ZNF541: variants seen among roughly 807,000 people sequenced by gnomAD.
The protein encoded by ZNF541 is zinc finger protein 541.
Under a neutral mutation model 123.5 loss-of-function variants are expected in ZNF541, and 23 were observed. The ratio of observed to expected loss-of-function variants is 0.19; its 90% confidence interval spans 0.13 to 0.26. ZNF541 has a LOEUF of 0.26. ZNF541 is among the 10% of genes least tolerant of loss of function. The pLI is 1.00. For synonymous variants in ZNF541, 751 were observed against 754.5 expected (o/e 1.00, Z 0.08); for missense variants, 1,612 against 1,789.9 (o/e 0.90, Z 1.79).
At chr19:47,538,524 G>T in intron 8 of ZNF541, 85 bp from the exon 9 acceptor site, 1 of 1,365,964 alleles carries the variant, frequency 7.3e-7, no homozygotes, top group South Asian at 1.6e-5. Context: ...AGCAGGAAAA[G>T]GAGACCGGCC....
At chr19:47,532,531 C>T (rs1969621351) in intron 10 of ZNF541, among the ~76,000 whole-genome samples, 2 of 152,064 alleles carry the variant, frequency 1.3e-5, no homozygotes, top group Admixed American at 6.6e-5. Flanking sequence ...AGGGGAGGTA[C>T]AAGCTGACAC....
intron 9 of ZNF541, 118 bp from the exon 10 acceptor site, chr19:47,533,090 C>T (rs1035548870): frequency 1.0e-5 from 9 of 883,130 alleles, no homozygotes; most frequent in Middle Eastern, 2.8e-4. Context: ...ATGGGTTGGC[C>T]GGGCACAGTG....
intron 3 of ZNF541, among the ~76,000 whole-genome samples, chr19:47,553,555 C>T (rs979113911): frequency 4.0e-5 from 6 of 151,846 alleles, no homozygotes; most frequent in South Asian, 2.1e-4. Flanking sequence ...ATTACAGGCA[C>T]GTACCACCAC....
intron 14 of ZNF541, among the ~76,000 whole-genome samples, chr19:47,528,315 C>CAA (rs1241374840): frequency 4.6e-4 from 20 of 43,296 alleles, no homozygotes; most frequent in African/African-American, 6.3e-4. Context: ...AACTCCGTCT[C>CAA]AAAAAAAAAA....
intron 2 of ZNF541, among the ~76,000 whole-genome samples, chr19:47,562,200 G>C (rs1250870951): frequency 6.6e-6 from 1 of 152,072 alleles, no homozygotes; most frequent in Non-Finnish European, 1.5e-5. Context: ...AGTGAGCCAA[G>C]ATCGTGCCAC....
chr19:47,546,108 C>T lies in ZNF541; in HGVS notation c.549-128G>A, dbSNP rs909049068. The T allele has an allele frequency of 3.7e-6, 3 of 811,760 alleles. No individual in the cohort carries two copies. The South Asian group carries it at 1.1e-4, about 31-fold the overall frequency. 50.3% of individuals were successfully genotyped at this position (811,760 alleles called of 1,614,324 possible). Reference sequence around the variant, plus strand: ...CAATTCAGAAATTGTACTCAGCCCCCACGAGGAAAGACCACCCAGCAAACC... The same window carrying T: ...CAATTCAGAAATTGTACTCAGCCCCTACGAGGAAAGACCACCCAGCAAACC... On this transcript the variant is annotated intron_variant, in intron 4 of 16. Coordinates refer to ENST00000391901, the MANE Select transcript of ZNF541 (RefSeq NM_001277075.3).
At chr19:47,527,520 C>T (rs1005478689) in intron 14 of ZNF541, among the ~76,000 whole-genome samples, 2 of 151,892 alleles carry the variant, frequency 1.3e-5, no homozygotes, top group African/African-American at 4.8e-5. Flanking sequence ...CTCAGCCTCC[C>T]GAGTAGCTGG....
At chr19:47,522,612 T>C (rs373232230) in intron 14 of ZNF541, among the ~76,000 whole-genome samples, 2 of 152,124 alleles carry the variant, frequency 1.3e-5, no homozygotes, top group South Asian at 4.2e-4. Context: ...CTGGGCAACA[T>C]AGCAAGACCC....
intron 12 of ZNF541, 89 bp downstream of exon 12, chr19:47,531,553 G>A (rs561060959): frequency 2.0e-4 from 207 of 1,048,054 alleles, no homozygotes; most frequent in Non-Finnish European, 2.7e-4. Context: ...GCTTCCATCC[G>A]CTCTGAACCC....
intron 3 of ZNF541, among the ~76,000 whole-genome samples, chr19:47,549,724 A>C (rs1292092098): frequency 6.6e-6 from 1 of 152,154 alleles, no homozygotes; most frequent in Non-Finnish European, 1.5e-5. Flanking sequence ...GCCCTTCCAG[A>C]GCAGCATGAC....
rs1969607444 is a variant in ZNF541 at position 47,532,264 on chromosome 19, G to C, written c.3165C>G (p.Ile1055Met). The C allele has an allele frequency of 1.9e-6, 3 of 1,551,916 alleles. No homozygotes were observed. The East Asian group carries it at 7.3e-5, about 38-fold the overall frequency. Residue 1055 changes from isoleucine (I) to methionine (M), a missense_variant, in exon 11 of 17, where the codon ATC (isoleucine) becomes ATG (methionine). Transcript: ENST00000391901. ...DDTKISIEPH[I>M]NIGSRFQAEI... Reference sequence around the variant, plus strand: ...CTGCCTGAAACCGGCTTCCTATATTGATATGTCTGAAATGAGGCCACACAC... The same window carrying C: ...CTGCCTGAAACCGGCTTCCTATATTCATATGTCTGAAATGAGGCCACACAC...
rs1467886858 is a variant in ZNF541 at position 47,545,506 on chromosome 19, T to C, written c.1023A>G (p.Pro341=). The C allele has an allele frequency of 6.7e-7, 1 of 1,500,522 alleles. No individual in the cohort carries two copies. Among genetic ancestry groups the C allele is most frequent in the Non-Finnish European group, 8.9e-7 (1 of 1,121,190 alleles). The allele number at this position is 1,500,522 out of a possible 1,614,324, so 93.0% of individuals were successfully genotyped here. The change falls in exon 5 of 17, where the codon CCA becomes CCG. Residue 341 remains proline, a synonymous_variant. Transcript: ENST00000391901. This position sits in a 1 kb window ranked among gnomAD's most constrained non-coding sequence, Gnocchi z 7.5. ...DTELPEEPCL[P]QKEPATDVFT... ...ACACGTCAGTGGCCGGCTCTTTCTG[T>C]GGGAGGCAAGGCTCCTCGGGAAGCT... is the stretch of plus-strand genomic sequence containing the variant.
At chr19:47,571,857 G>C (rs950996508) in intron 2 of ZNF541, among the ~76,000 whole-genome samples, 39 bp downstream of exon 2, 2 of 152,282 alleles carry the variant, frequency 1.3e-5, no homozygotes, top group African/African-American at 4.8e-5. Flanking sequence ...ATCCAACAAA[G>C]CAGGTGTCTT....
chr19:47,570,376 G>C (rs1476358726), intron 2 of ZNF541, among the ~76,000 whole-genome samples: 2 of 151,740 alleles, frequency 1.3e-5, no homozygotes, highest in African/African-American at 4.8e-5. Context: ...CCAGGAGTTT[G>C]AGACCGCCTT....
chr19:47,544,707 C>T lies in ZNF541; in HGVS notation c.1822G>A (p.Val608Met). 1 of 1,510,548 alleles carries T rather than the reference C, an allele frequency of 6.6e-7. No individual in the cohort carries two copies. The highest frequency in any genetic ancestry group is 8.8e-7 in the Non-Finnish European group (1 of 1,131,802). 93.6% of individuals were successfully genotyped at this position (1,510,548 alleles called of 1,614,324 possible). ...PQQPPPLAPA[V>M]DSLHAGPGNP... ...CCAGGGCCGGCGTGGAGAGAGTCCA[C>T]AGCAGGAGCCAGTGGTGGGGGCTGC... Residue 608 changes from valine (V) to methionine (M), a missense_variant, in exon 5 of 17, where the codon GTG (valine) becomes ATG (methionine). Val to Met is a conservative substitution (Grantham distance 21, BLOSUM62 1). Transcript: ENST00000391901.
At chr19:47,557,680 A>C (rs73557407) in intron 2 of ZNF541, among the ~76,000 whole-genome samples, 3,372 of 152,214 alleles carry the variant, frequency 0.022, 123 homozygotes, top group African/African-American at 0.076. Flanking sequence ...TTCTACAAAA[A>C]ATTAAAATAT....
At chr19:47,539,334 CTG>C (rs1254349826) in intron 8 of ZNF541, among the ~76,000 whole-genome samples, 2 of 143,704 alleles carry the variant, frequency 1.4e-5, no homozygotes, top group African/African-American at 5.2e-5. Flanking sequence ...GAGTCTCACT[CTG>C]TTACCCAGGC....
chr19:47,524,780 A>C (rs1450610472), intron 14 of ZNF541, among the ~76,000 whole-genome samples: 1 of 151,872 alleles, frequency 6.6e-6, no homozygotes, highest in Non-Finnish European at 1.5e-5. Flanking sequence ...AGCTACTCAA[A>C]GTTGGAGGAT....
chr19:47,550,571 T>A (rs1273908051), intron 3 of ZNF541, among the ~76,000 whole-genome samples: 1 of 152,218 alleles, frequency 6.6e-6, no homozygotes, highest in Non-Finnish European at 1.5e-5. Context: ...TATATAGTTA[T>A]GAATCACATC....
Sources: allele counts gnomAD v4.1 joint callset (sites outside exome capture counted in the v4.1 genomes callset), GRCh38; gene constraint gnomAD v4.1.1; non-coding constraint Gnocchi (gnomAD v3.1); transcripts MANE v1.5; gene names NCBI Gene and HGNC (gene_info 2026-07-23, HGNC 2026-07-21).